Variants in GPM6A observed in about 807,000 individuals in gnomAD.
GPM6A encodes glycoprotein M6A.
GPM6A carries 7 observed loss-of-function variants against 32.1 expected under a neutral mutation model. The observed-to-expected ratio is 0.22, with a 90% CI of 0.12 to 0.41. The LOEUF (loss-of-function observed/expected upper bound fraction) is 0.41. Ranked by LOEUF, GPM6A falls within the 10% of genes least tolerant of loss-of-function variation. GPM6A has a pLI of 1.00. For synonymous variants in GPM6A, 130 were observed against 123.4 expected (o/e 1.05, Z -0.35); for missense variants, 235 against 347.2 (o/e 0.68, Z 2.57).
At chr4:175,766,672 T>TG (rs1732980078) in intron 1 of GPM6A, among the ~76,000 whole-genome samples, 1 of 146,256 alleles carries the variant, frequency 6.8e-6, no homozygotes, top group African/African-American at 2.7e-5. Flanking sequence ...TTTTTTTTTT[T>TG]GAGACAGAGT....
At chr4:175,923,125 T>G (rs1386019873) in intron 1 of GPM6A, among the ~76,000 whole-genome samples, 1 of 151,314 alleles carries the variant, frequency 6.6e-6, no homozygotes, top group African/African-American at 2.4e-5. Flanking sequence ...AAAATATAAA[T>G]GCTGAATCTT....
intron 1 of GPM6A, among the ~76,000 whole-genome samples, chr4:175,958,229 C>T (rs1257469423): frequency 6.6e-6 from 1 of 152,174 alleles, no homozygotes; most frequent in African/African-American, 2.4e-5. Flanking sequence ...AGAGCATTGC[C>T]TATTTTGCTT....
chr4:175,842,453 C>T (rs1308484315), intron 1 of GPM6A, among the ~76,000 whole-genome samples: 1 of 152,096 alleles, frequency 6.6e-6, no homozygotes, highest in Non-Finnish European at 1.5e-5. Flanking sequence ...AATAAACAGG[C>T]TGGCCATGTT....
rs1387655920 is a variant in GPM6A at position 175,917,375 on chromosome 4, ACCCTGCTAC to A, written c.-23+84925_-23+84933del. Reference sequence around the variant, plus strand: ...CACTGCCCCTTGCCTGCATTGAAGGACCCTGCTACAGATGCTGCTGCTGATTTAATGTTG... The same window carrying A: ...CACTGCCCCTTGCCTGCATTGAAGGAAGATGCTGCTGCTGATTTAATGTTG... On this transcript the variant is annotated intron_variant, in intron 1 of 7. Transcript: ENST00000280187. Among the ~76,000 whole-genome samples the A allele has an allele frequency of 5.3e-5, 8 of 152,214 alleles. No individual in the cohort carries two copies. In the East Asian group the frequency reaches 1.5e-3, roughly 29 times the overall value.
chr4:175,740,134 T>C (rs988365291), intron 1 of GPM6A, among the ~76,000 whole-genome samples: 3 of 152,052 alleles, frequency 2.0e-5, no homozygotes, highest in African/African-American at 7.2e-5. Context: ...ATATTAAATA[T>C]ATTTGTCTCA....
chr4:175,882,496 T>C (rs1295389029), intron 1 of GPM6A, among the ~76,000 whole-genome samples: 1 of 152,106 alleles, frequency 6.6e-6, no homozygotes, highest in Non-Finnish European at 1.5e-5. Context: ...TAATTTATTC[T>C]TCCATTACAG....
At chr4:175,832,110 G>A (rs913912932) in intron 1 of GPM6A, among the ~76,000 whole-genome samples, 3 of 89,690 alleles carry the variant, frequency 3.3e-5, no homozygotes, top group African/African-American at 8.0e-5. Flanking sequence ...ATCTTTCCTC[G>A]GATTGCCAAC....
At chr4:175,902,224 A>G (rs1391619770) in intron 1 of GPM6A, among the ~76,000 whole-genome samples, 1 of 152,214 alleles carries the variant, frequency 6.6e-6, no homozygotes, top group African/African-American at 2.4e-5. Flanking sequence ...ATTATGCTGA[A>G]TGAAAAAAGC....
intron 1 of GPM6A, among the ~76,000 whole-genome samples, chr4:175,853,102 T>C (rs958894207): frequency 4.1e-4 from 63 of 152,226 alleles, no homozygotes. Flanking sequence ...CACTATTGAA[T>C]GTTACAACTG....
intron 1 of GPM6A, among the ~76,000 whole-genome samples, chr4:175,931,808 G>T (rs1018516748): frequency 1.3e-5 from 2 of 151,894 alleles, no homozygotes; most frequent in African/African-American, 4.8e-5. Flanking sequence ...AAATGGGCTG[G>T]ACATGGTGGC....
intron 3 of GPM6A, among the ~76,000 whole-genome samples, chr4:175,656,141 GTAAAATGCTGAC>G (rs1198500451): frequency 3.9e-5 from 6 of 151,938 alleles, no homozygotes; most frequent in African/African-American, 1.4e-4. Flanking sequence ...CTCACATATA[GTAAAATGCTGAC>G]TAAATCCTCT....
intron 1 of GPM6A, among the ~76,000 whole-genome samples, chr4:175,747,642 T>C (rs150099701): frequency 6.6e-6 from 1 of 152,162 alleles, no homozygotes; most frequent in African/African-American, 2.4e-5. Context: ...TCCTAAAAAC[T>C]GCTAGCGATC....
At position 175,811,463 on chromosome 4, in the gene GPM6A, A is replaced by G. The variant is rs543360729; in HGVS notation, c.37+728T>C. Among the ~76,000 whole-genome samples the G allele has an allele frequency of 1.1e-3, 164 of 152,290 alleles. 6 individuals carry two copies. The South Asian group carries it at 0.033, about 31-fold the overall frequency. ...TCTCGAGTTGATTGAATCATTCCAA[A>G]TTACCAATATTTGACCATTTCAACC... On this transcript the variant is annotated intron_variant, in intron 1 of 6. Transcript: ENST00000393658.
chr4:175,965,750 A>C (rs1356043442), intron 1 of GPM6A, among the ~76,000 whole-genome samples: 1 of 151,792 alleles, frequency 6.6e-6, no homozygotes, highest in African/African-American at 2.4e-5. Context: ...AGTAGCTGGG[A>C]TTACAGGCAT....
chr4:175,651,703 T>C, intron 4 of GPM6A, 131 bp downstream of exon 4: 1 of 696,776 alleles, frequency 1.4e-6, no homozygotes, highest in Non-Finnish European at 2.4e-6. Flanking sequence ...AGTAATACTC[T>C]GATAAATTTA....
At chr4:175,671,336 A>G (rs929034085) in intron 3 of GPM6A, among the ~76,000 whole-genome samples, 1 of 151,824 alleles carries the variant, frequency 6.6e-6, no homozygotes, top group African/African-American at 2.4e-5. Flanking sequence ...AGTATTATTC[A>G]GTGTTCCAAC....
intron 4 of GPM6A, 93 bp from the exon 5 acceptor site, chr4:175,640,922 A>C (rs1191091496): frequency 1.4e-6 from 1 of 735,762 alleles, no homozygotes; most frequent in Non-Finnish European, 2.4e-6. Flanking sequence ...AATCTAAGCA[A>C]GTTCCATTTT....
chr4:175,900,334 A>T (rs1737922247), intron 1 of GPM6A, among the ~76,000 whole-genome samples: 3 of 146,108 alleles, frequency 2.1e-5, no homozygotes, highest in Non-Finnish European at 4.5e-5. Flanking sequence ...AAAGGAAAGG[A>T]AAGGAAAGGA....
At chr4:175,834,038 C>T (rs1373597204) in intron 1 of GPM6A, among the ~76,000 whole-genome samples, 1 of 152,104 alleles carries the variant, frequency 6.6e-6, no homozygotes, top group East Asian at 1.9e-4. Flanking sequence ...AGCTACCCTA[C>T]TAGATATCAG....
Sources: allele counts gnomAD v4.1 joint callset (sites outside exome capture counted in the v4.1 genomes callset), GRCh38; gene constraint gnomAD v4.1.1; transcripts MANE v1.5; gene names NCBI Gene and HGNC (gene_info 2026-07-23, HGNC 2026-07-21).